SORCS2: variants seen among roughly 807,000 people sequenced by gnomAD.
SORCS2 encodes the protein VPS10 domain-containing receptor SorCS2.
SORCS2 carries 100 observed loss-of-function variants against 141.6 expected under a neutral mutation model. The observed-to-expected ratio is 0.71, with a 90% CI of 0.60 to 0.83. The LOEUF is 0.83. Among genes scored for constraint, SORCS2 ranks in the 40% least tolerant of loss-of-function variants. SORCS2 has a pLI of 0.00. For missense variants in SORCS2, 1,646 were observed against 1,560.2 expected, an observed-to-expected ratio of 1.05 and a Z score of -0.93; for synonymous variants, 789 against 676.9, an observed-to-expected ratio of 1.17 and a Z score of -2.57.
intron 3 of SORCS2, among the ~76,000 whole-genome samples, chr4:7,559,270 C>T (rs986767588): frequency 1.3e-5 from 2 of 152,148 alleles, no homozygotes; most frequent in African/African-American, 4.8e-5. Context: ...CCCTGAAGCC[C>T]CTACAAGCTC....
intron 11 of SORCS2, among the ~76,000 whole-genome samples, chr4:7,690,453 A>G (rs1430005554): frequency 1.3e-5 from 2 of 148,790 alleles, no homozygotes; most frequent in African/African-American, 5.0e-5. Context: ...TGGATGGATG[A>G]GTGGATGAAT....
intron 1 of SORCS2, among the ~76,000 whole-genome samples, chr4:7,308,356 T>A (rs1717969308): frequency 6.6e-6 from 1 of 152,136 alleles, no homozygotes; most frequent in Non-Finnish European, 1.5e-5. Flanking sequence ...TTGAGCAGCT[T>A]CTCCTCTGGT....
At chr4:7,379,553 A>G (rs1160429599) in intron 1 of SORCS2, among the ~76,000 whole-genome samples, 3 of 152,174 alleles carry the variant, frequency 2.0e-5, no homozygotes, top group Non-Finnish European at 4.4e-5. Context: ...TTCTTGTGTT[A>G]TCAGTTCCCC....
At chr4:7,209,116 A>G (rs1193310382) in intron 1 of SORCS2, among the ~76,000 whole-genome samples, 2 of 152,230 alleles carry the variant, frequency 1.3e-5, no homozygotes, top group Non-Finnish European at 2.9e-5. Context: ...TAGGAGGGAA[A>G]GGACACTGAA....
intron 2 of SORCS2, among the ~76,000 whole-genome samples, chr4:7,504,388 A>C (rs1732156892): frequency 6.6e-6 from 1 of 152,198 alleles, no homozygotes; most frequent in South Asian, 2.1e-4. Context: ...GAGTGGGGGA[A>C]GTGGAGAGAC....
intron 2 of SORCS2, among the ~76,000 whole-genome samples, chr4:7,494,181 C>T (rs985042184): frequency 6.6e-6 from 1 of 152,208 alleles, no homozygotes; most frequent in Admixed American, 6.5e-5. Context: ...GTTTTGTAAC[C>T]TGCTCTTCTT....
Position 7,233,288 on chromosome 4 carries a change from T to G in SORCS2, c.480+40162T>G, listed in dbSNP as rs111400618. On this transcript the variant is annotated intron_variant, in intron 1 of 26. Coordinates refer to ENST00000507866, the MANE Select transcript of SORCS2 (RefSeq NM_020777.3). The surrounding 1 kb of genome is among the most constrained non-coding windows in gnomAD (Gnocchi z 4.5). The stretch of plus-strand genomic sequence containing the variant: ...GGACCCAGACACCAACTGTGGACTA[T>G]GCCTGCAGAAGCCACGGTGGGGACA... Among the ~76,000 whole-genome samples the G allele has an allele frequency of 2.2e-3, 330 of 152,238 alleles. 1 individual carries two copies. The highest frequency in any genetic ancestry group is 7.1e-3 in the African/African-American group (295 of 41,538).
chr4:7,694,116 C>T (rs186274233), intron 11 of SORCS2, among the ~76,000 whole-genome samples: 7 of 152,314 alleles, frequency 4.6e-5, no homozygotes, highest in Admixed American at 4.6e-4. Context: ...TGTGGCTTTG[C>T]TCTGTTTTCT....
At chr4:7,278,491 T>A (rs1363293889) in intron 1 of SORCS2, among the ~76,000 whole-genome samples, 1 of 152,220 alleles carries the variant, frequency 6.6e-6, no homozygotes, top group African/African-American at 2.4e-5. Flanking sequence ...CAGGGTCTGC[T>A]TAGCCCTCCC....
chr4:7,317,856 A>G (rs2878618), intron 1 of SORCS2, among the ~76,000 whole-genome samples: 89,594 of 151,914 alleles, frequency 0.59, 26,485 homozygotes, highest in South Asian at 0.72. Context: ...AAACCCGAGA[A>G]CCCGGTGAGG....
At chr4:7,739,978 C>G (rs1712525350) in intron 26 of SORCS2, among the ~76,000 whole-genome samples, 1 of 152,158 alleles carries the variant, frequency 6.6e-6, no homozygotes, top group South Asian at 2.1e-4. Context: ...CTCTCAGGCC[C>G]TCTGGGGCCC....
At position 7,465,472 on chromosome 4, in the gene SORCS2, G is replaced by A. The variant is rs540330748; in HGVS notation, c.549-66058G>A. ...GGTGACAGGCTTCCCTGTGCAAGGC[G>A]CCAGGGTGGGCACAGGCACTGTGAG... On this transcript the variant is annotated intron_variant, in intron 2 of 26. Transcript: ENST00000507866. Among the ~76,000 whole-genome samples, 10 of 152,280 alleles carry A rather than the reference G, an allele frequency of 6.6e-5. No individual in the cohort carries two copies. In the South Asian group the frequency reaches 1.5e-3, roughly 22 times the overall value.
chr4:7,319,561 C>CA lies in SORCS2; in HGVS notation c.481-76721dup, dbSNP rs536960664. ...CTCTACATTAAAAAAAGACAAAAAA[C>CA]AAAAAACTTAGGCATAGTGGTGCAT... On this transcript the variant is annotated intron_variant, in intron 1 of 26. Coordinates refer to ENST00000507866, the MANE Select transcript of SORCS2 (RefSeq NM_020777.3). 7.2e-5 allele frequency among the ~76,000 whole-genome samples: 11 copies of CA among 151,992 alleles called. 1 individual carries two copies. In the East Asian group the frequency reaches 1.4e-3, roughly 19 times the overall value.
At chr4:7,462,586 G>A (rs1426684690) in intron 2 of SORCS2, among the ~76,000 whole-genome samples, 1 of 151,964 alleles carries the variant, frequency 6.6e-6, no homozygotes. Context: ...GTCCAAGCAT[G>A]CGTGGCACTG....
intron 1 of SORCS2, among the ~76,000 whole-genome samples, chr4:7,319,459 C>A (rs564534095): frequency 6.6e-6 from 1 of 152,172 alleles, no homozygotes; most frequent in African/African-American, 2.4e-5. Flanking sequence ...AATCCTAGCA[C>A]TTGGGGAGGC....
intron 2 of SORCS2, among the ~76,000 whole-genome samples, chr4:7,476,655 A>G (rs1210826152): frequency 6.6e-6 from 1 of 152,176 alleles, no homozygotes; most frequent in Non-Finnish European, 1.5e-5. Context: ...GCACTGGGCC[A>G]GCAGTCCCCA....
intron 2 of SORCS2, among the ~76,000 whole-genome samples, chr4:7,401,443 T>A (rs1022227955): frequency 6.6e-5 from 10 of 152,146 alleles, no homozygotes; most frequent in African/African-American, 2.4e-4. Context: ...ACCCTTTACA[T>A]TTACAGGGTC....
At chr4:7,284,241 C>A (rs1716070151) in intron 1 of SORCS2, among the ~76,000 whole-genome samples, 1 of 152,168 alleles carries the variant, frequency 6.6e-6, no homozygotes, top group Non-Finnish European at 1.5e-5. Flanking sequence ...ATTTCCCCAT[C>A]CAGTTGTTTC....
intron 1 of SORCS2, among the ~76,000 whole-genome samples, chr4:7,394,805 G>C (rs937325594): frequency 6.6e-6 from 1 of 152,106 alleles, no homozygotes; most frequent in Non-Finnish European, 1.5e-5. Context: ...CACCCCCCGA[G>C]GCCAGGGCAG....
Sources: gnomAD v4.1 joint callset for allele counts (sites outside exome capture counted in the v4.1 genomes callset) on GRCh38, gnomAD v4.1.1 for gene constraint, Gnocchi (gnomAD v3.1) non-coding constraint, MANE v1.5 for transcripts, NCBI Gene and HGNC (gene_info 2026-07-23, HGNC 2026-07-21) for gene names.